The following CNTLN variants were observed in gnomAD, a reference collection of about 807,000 sequenced individuals.
CNTLN encodes centlein.
CNTLN carries 212 observed loss-of-function variants against 180.0 expected under a neutral mutation model. The ratio of observed to expected loss-of-function variants is 1.18; its 90% CI spans 1.05 to 1.32. The LOEUF (loss-of-function observed/expected upper bound fraction) is 1.32. Among genes scored for constraint, CNTLN ranks in the 40% most tolerant of loss-of-function variants. The pLI, the probability that CNTLN is intolerant of heterozygous loss-of-function variation, is 0.00. For missense variants in CNTLN, 2,095 were observed against 1,610.9 expected, an observed-to-expected ratio of 1.30 and a Z score of -5.14; for synonymous variants, 722 against 563.1, an observed-to-expected ratio of 1.28 and a Z score of -3.99.
chr9:17,452,369 A>T (rs1564118629), intron 18 of CNTLN, among the ~76,000 whole-genome samples: 1 of 152,158 alleles, frequency 6.6e-6, no homozygotes, highest in Admixed American at 6.5e-5. Flanking sequence ...TCTTGACTAA[A>T]AGTTGGAAAG....
chr9:17,509,727 GA>G, the CNTLN span, among the ~76,000 whole-genome samples: 1 of 152,132 alleles, frequency 6.6e-6, no homozygotes, highest in African/African-American at 2.4e-5. Flanking sequence ...TCAGGGGGTG[GA>G]ATTGGGAGTG....
chr9:17,299,913 G>T, intron 7 of CNTLN: 2 of 465,396 alleles, frequency 4.3e-6, no homozygotes, highest in Non-Finnish European at 5.6e-6. Context: ...GTTTTTAGCT[G>T]TCCCTTTTTA....
intron 18 of CNTLN, among the ~76,000 whole-genome samples, chr9:17,438,808 G>A (rs1412488763): frequency 6.6e-6 from 1 of 152,118 alleles, no homozygotes; most frequent in African/African-American, 2.4e-5. Context: ...ATCACCAAGG[G>A]CGTGGAGATA....
chr9:17,484,588 T>A, intron 24 of CNTLN, 108 bp downstream of exon 24: 1 of 877,140 alleles, frequency 1.1e-6, no homozygotes, highest in Non-Finnish European at 1.7e-6. Context: ...AAGAGAGTGT[T>A]AATGATGGTA....
Position 17,416,131 on chromosome 9 carries a change from T to A in CNTLN, c.3056T>A (p.Leu1019His). 6.2e-7 allele frequency: 1 copy of A among 1,613,472 alleles called. No homozygotes were observed. Among genetic ancestry groups the A allele is most frequent in the Non-Finnish European group, 8.5e-7 (1 of 1,179,722 alleles). Residue 1019 changes from leucine (L) to histidine (H), a missense_variant, in exon 18 of 26, where the codon CTC becomes CAC. Leu to His is a moderately conservative substitution (Grantham distance 99). Coordinates refer to ENST00000380647, the MANE Select transcript of CNTLN (RefSeq NM_017738.4). ...GAATATAAAGAAGTTAATGAAAAGC[T>A]CCTCCATCAACAGCAAGTATCCGAT... ...VKEYKEVNEK[L>H]LHQQQVSDQR...
At chr9:17,436,239 G>A (rs1829769345) in intron 18 of CNTLN, among the ~76,000 whole-genome samples, 1 of 152,040 alleles carries the variant, frequency 6.6e-6, no homozygotes, top group Non-Finnish European at 1.5e-5. Flanking sequence ...TATCTTCTCT[G>A]ATTTCTTGAT....
chr9:17,309,164 A>G lies in CNTLN; in HGVS notation c.1253A>G (p.Glu418Gly). ...GATCAGCTATTACAAAAAGAGCAAG[A>G]AAATGCTAAGTTAAAAGAAAAACTT... ...LQDQLLQKEQ[E>G]NAKLKEKLQE... Residue 418 changes from glutamate to glycine, a missense_variant, in exon 8 of 26, where the codon GAA becomes GGA. Coordinates refer to ENST00000380647, the MANE Select transcript of CNTLN (RefSeq NM_017738.4). 1.2e-6 allele frequency: 2 copies of G among 1,610,960 alleles called. No homozygotes were observed. Among genetic ancestry groups the G allele is most frequent in the Non-Finnish European group, 1.7e-6 (2 of 1,178,096 alleles).
chr9:17,374,108 G>A (rs1396638424), intron 13 of CNTLN, among the ~76,000 whole-genome samples: 4 of 152,118 alleles, frequency 2.6e-5, no homozygotes, highest in Admixed American at 6.6e-5. Flanking sequence ...AGCAGAAATG[G>A]ACACATGGGA....
At chr9:17,312,693 A>G (rs994096287) in intron 8 of CNTLN, among the ~76,000 whole-genome samples, 6 of 150,558 alleles carry the variant, frequency 4.0e-5, no homozygotes, top group South Asian at 2.1e-4. Context: ...GTGAGCCACC[A>G]CGCCAGCCTG....
chr9:17,459,232 T>A (rs1831314286), intron 19 of CNTLN, among the ~76,000 whole-genome samples: 1 of 151,928 alleles, frequency 6.6e-6, no homozygotes, highest in Non-Finnish European at 1.5e-5. Flanking sequence ...TTACTACAAA[T>A]GGTCTAATAA....
At position 17,409,419 on chromosome 9, in the gene CNTLN, A is replaced by C. The variant is rs756535459; in HGVS notation, c.2742A>C (p.Thr914=). 3.7e-6 allele frequency: 6 copies of C among 1,613,250 alleles called. No individual in the cohort carries two copies. In the East Asian group the frequency reaches 8.9e-5, roughly 24 times the overall value. ...KESDPTEDSQ[T]QGKEIVQTYL... ...GTGATCCAACAGAAGACAGCCAAACACAAGGAAAAGAAATAGTACAGACAT... is the reference window on the plus strand; with the variant it reads ...GTGATCCAACAGAAGACAGCCAAACCCAAGGAAAAGAAATAGTACAGACAT... Residue 914 remains threonine (T), a synonymous_variant, in exon 16 of 26, where the codon ACA becomes ACC. Transcript: ENST00000380647.
intron 2 of CNTLN, among the ~76,000 whole-genome samples, chr9:17,222,416 T>C (rs1824196491): frequency 6.6e-6 from 1 of 152,048 alleles, no homozygotes; most frequent in Non-Finnish European, 1.5e-5. Context: ...AAGGACCTAG[T>C]GGGTAATAAT....
chr9:17,435,501 A>T (rs1232326850), intron 18 of CNTLN, among the ~76,000 whole-genome samples: 1 of 152,112 alleles, frequency 6.6e-6, no homozygotes, highest in East Asian at 1.9e-4. Context: ...ATTTTGAAAT[A>T]TGAAGTGGAA....
In CNTLN at chr9:17,438,956, T is replaced by C. The variant is rs1405752650; in HGVS notation, c.3115-18568T>C. Among the ~76,000 whole-genome samples the C allele has an allele frequency of 2.6e-5, 4 of 152,168 alleles. No individual in the cohort carries two copies. The East Asian group carries it at 7.7e-4, about 29-fold the overall frequency. On this transcript the variant is annotated intron_variant, in intron 18 of 25. Coordinates refer to ENST00000380647, the MANE Select transcript of CNTLN (RefSeq NM_017738.4). Reference sequence around the variant, plus strand: ...AAAGAGAATCTTAGAAGCCAAATGGTTAAAGTATATCAAGAAGGGAATGAT... The same window carrying C: ...AAAGAGAATCTTAGAAGCCAAATGGCTAAAGTATATCAAGAAGGGAATGAT...
chr9:17,451,842 A>G (rs1451750514), intron 18 of CNTLN, among the ~76,000 whole-genome samples: 2 of 152,206 alleles, frequency 1.3e-5, no homozygotes, highest in Non-Finnish European at 2.9e-5. Flanking sequence ...ATTACTTTAA[A>G]TTTTTAATCC....
intron 2 of CNTLN, among the ~76,000 whole-genome samples, chr9:17,153,951 T>C (rs1344261961): frequency 1.3e-5 from 2 of 152,232 alleles, no homozygotes; most frequent in South Asian, 2.1e-4. Flanking sequence ...GATTCGGCTA[T>C]TGATACTTGT....
At chr9:17,397,678 G>A (rs1487526699) in intron 15 of CNTLN, among the ~76,000 whole-genome samples, 1 of 152,160 alleles carries the variant, frequency 6.6e-6, no homozygotes, top group East Asian at 1.9e-4. Context: ...GCAGATCTGA[G>A]CCCTATTTTA....
At chr9:17,409,992 A>G (rs1827716645) in intron 16 of CNTLN, among the ~76,000 whole-genome samples, 1 of 152,102 alleles carries the variant, frequency 6.6e-6, no homozygotes, top group Non-Finnish European at 1.5e-5. Context: ...GTTCATTTCT[A>G]TTTTGTTGTA....
chr9:17,247,834 C>CTTTTTTTTT (rs1217713916), intron 5 of CNTLN, among the ~76,000 whole-genome samples: 1 of 95,554 alleles, frequency 1.0e-5, no homozygotes, highest in Non-Finnish European at 2.2e-5. Flanking sequence ...TCTGTTCTTT[C>CTTTTTTTTT]TTTTTTTTTT....
Sources: gnomAD v4.1 joint callset for allele counts (sites outside exome capture counted in the v4.1 genomes callset) on GRCh38, gnomAD v4.1.1 for gene constraint, MANE v1.5 for transcripts, NCBI Gene and HGNC (gene_info 2026-07-23, HGNC 2026-07-21) for gene names.